UGT2A1: variants seen among roughly 807,000 people sequenced by gnomAD.
UGT2A1 encodes the protein UDP glucuronosyltransferase family 2 member A1 complex locus.
A neutral mutation model predicts 45.4 loss-of-function variants in UGT2A1; 61 were observed. The ratio of observed to expected loss-of-function variants is 1.34; its 90% CI spans 1.09 to 1.66. UGT2A1 has a LOEUF of 1.66. Ranked by LOEUF, UGT2A1 falls within the 40% of genes most tolerant of loss-of-function variation. The probability of loss-of-function intolerance (pLI) is 0.00; values close to 1 mark genes in which losing one functional copy is unlikely to be tolerated. For synonymous variants in UGT2A1, 229 were observed against 196.2 expected, an observed-to-expected ratio of 1.17 and a Z score of -1.40; for missense variants, 649 against 574.3, an observed-to-expected ratio of 1.13 and a Z score of -1.33.
Position 69,647,177 on chromosome 4 carries a change from G to T in UGT2A1, c.468C>A (p.Gly156=), listed in dbSNP as rs776766269. The T allele has an allele frequency of 1.2e-6, 2 of 1,612,894 alleles. No homozygotes were observed. Among genetic ancestry groups the T allele is most frequent in the East Asian group, 2.2e-5 (1 of 44,828 alleles). ...VLVSDPVFPC[G]DIVALKLGIP... ...TTCCAAGTTTTAAAGCTACTATATC[G>T]CCACAAGGAAATACTGGATCAGACA... is the stretch of plus-strand genomic sequence containing the variant. Residue 156 remains glycine, a synonymous_variant, in exon 2 of 7, where the codon GGC becomes GGA. Coordinates refer to ENST00000286604, the MANE Select transcript of UGT2A1 (RefSeq NM_001252275.3).
rs752278105 is a variant in UGT2A1 at position 69,639,605 on chromosome 4, C to T, written c.716-3783G>A. 8.7e-6 allele frequency: 14 copies of T among 1,603,656 alleles called. No homozygotes were observed. In the East Asian group the frequency reaches 2.5e-4, roughly 28 times the overall value. On this transcript the variant is annotated intron_variant, in intron 2 of 6. Coordinates refer to ENST00000286604, the MANE Select transcript of UGT2A1 (RefSeq NM_001252275.3). ...AATTAAAAACCAGCATCTGGACAAA[C>T]TTCTTAGGCATGGTAAAATCCCTTA...
chr4:69,637,731 C>A (rs1249388568), intron 2 of UGT2A1, among the ~76,000 whole-genome samples: 1 of 152,086 alleles, frequency 6.6e-6, no homozygotes, highest in East Asian at 1.9e-4. Flanking sequence ...TGTCTCCTCT[C>A]ATGAGAATGT....
intron 6 of UGT2A1, among the ~76,000 whole-genome samples, chr4:69,591,005 G>T (rs1718567218): frequency 6.6e-6 from 1 of 152,258 alleles, no homozygotes; most frequent in Non-Finnish European, 1.5e-5. Flanking sequence ...TATACCTTGT[G>T]TTCCCAGAGG....
In UGT2A1 at chr4:69,605,873, G is replaced by T. The variant is rs1184455743; in HGVS notation, c.848-6479C>A. On this transcript the variant is annotated intron_variant, in intron 3 of 6. Coordinates refer to ENST00000286604, the MANE Select transcript of UGT2A1 (RefSeq NM_001252275.3). ...GTACACCCTCCCAAGACTAAATCAG[G>T]AAGACATTGAATCTCTGAATAGACC... is the stretch of plus-strand genomic sequence containing the variant. Among the ~76,000 whole-genome samples, 12 of 136,618 alleles carry T rather than the reference G, an allele frequency of 8.8e-5. 1 individual carries two copies. The highest frequency in any genetic ancestry group is 1.9e-4 in the Non-Finnish European group (12 of 64,372). The allele number at this position is 136,618 out of a possible 152,430, so 89.6% of individuals were successfully genotyped here.
chr4:69,610,589 G>A (rs556716264), intron 3 of UGT2A1, among the ~76,000 whole-genome samples: 2 of 152,166 alleles, frequency 1.3e-5, no homozygotes, highest in Admixed American at 6.5e-5. Context: ...TGTATATGAA[G>A]CCTGACTGTA....
At chr4:69,606,355 C>CT (rs1719611264) in intron 3 of UGT2A1, among the ~76,000 whole-genome samples, 1 of 135,970 alleles carries the variant, frequency 7.4e-6, no homozygotes, top group African/African-American at 3.0e-5. Context: ...CAGAAAAGGC[C>CT]TTGAAAAAAT....
Position 69,639,103 on chromosome 4 carries a change from A to G in UGT2A1, c.716-3281T>C, listed in dbSNP as rs765280499. 18 of 1,613,442 alleles carry G rather than the reference A, an allele frequency of 1.1e-5. 1 individual carries two copies. The Admixed American group carries it at 1.5e-4, about 13-fold the overall frequency. On this transcript the variant is annotated intron_variant, in intron 2 of 6. Coordinates refer to ENST00000286604, the MANE Select transcript of UGT2A1 (RefSeq NM_001252275.3). ...ACTGTTGATGCTGGAGAGAACCTCA[A>G]TGTGTACATAAATGGAATTCCTAAT...
At chr4:69,591,352 T>A (rs1718587962) in intron 6 of UGT2A1, among the ~76,000 whole-genome samples, 1 of 152,072 alleles carries the variant, frequency 6.6e-6, no homozygotes, top group African/African-American at 2.4e-5. Flanking sequence ...CAACTTGAAG[T>A]GGGGGTGCAT....
intron 1 of UGT2A1, among the ~76,000 whole-genome samples, chr4:69,649,788 A>G (rs1722437500): frequency 6.6e-6 from 1 of 152,056 alleles, no homozygotes; most frequent in African/African-American, 2.4e-5. Context: ...CTTGCCTACA[A>G]CATGCCTGGA....
rs560263017 is a variant in UGT2A1 at position 69,608,168 on chromosome 4, C to G, written c.848-8774G>C. Among the ~76,000 whole-genome samples the G allele has an allele frequency of 1.8e-4, 27 of 152,178 alleles. No individual in the cohort carries two copies. The South Asian group carries it at 5.0e-3, about 28-fold the overall frequency. ...CACAATAGCAAAGACTTGGAACCAA[C>G]CCAAATGTCCAACAATGATAGACTG... is the stretch of plus-strand genomic sequence containing the variant. On this transcript the variant is annotated intron_variant, in intron 3 of 6. Coordinates refer to ENST00000286604, the MANE Select transcript of UGT2A1 (RefSeq NM_001252275.3).
At chr4:69,612,775 C>A (rs1720139485) in intron 3 of UGT2A1, among the ~76,000 whole-genome samples, 2 of 151,768 alleles carry the variant, frequency 1.3e-5, no homozygotes, top group Admixed American at 1.3e-4. Flanking sequence ...GTATAAAAAT[C>A]TTTGAAGAAA....
intron 6 of UGT2A1, 32 bp downstream of exon 6, chr4:69,594,445 T>C: frequency 6.2e-7 from 1 of 1,605,176 alleles, no homozygotes; most frequent in East Asian, 2.2e-5. Context: ...GTAATTAAAG[T>C]TAGGCAAGTT....
Position 69,635,828 on chromosome 4 carries a change from C to CAAAAAAAACAAAAAAAAAAAAAAAAA in UGT2A1, c.716-7_716-6insTTTTTTTTTTTTTTTTTGTTTTTTTT, listed in dbSNP as rs1721659067. On this transcript the variant is annotated splice_region_variant and splice_polypyrimidine_tract_variant and intron_variant, in intron 2 of 6. Transcript: ENST00000286604. ...GCAACAGAGTAAGAGTCCACCTCACCAAAAAAAAAAAAAAAAAAAAAAGAG... is the reference window on the plus strand; with the variant it reads ...GCAACAGAGTAAGAGTCCACCTCACCAAAAAAAACAAAAAAAAAAAAAAAAAAAAAAAAAAAAAAAAAAAAAAAGAG... The CAAAAAAAACAAAAAAAAAAAAAAAAA allele has an allele frequency of 2.0e-5, 1 of 49,134 alleles. No homozygotes were observed. The highest frequency in any genetic ancestry group is 6.6e-5 in the African/African-American group (1 of 15,138). 3.0% of individuals were successfully genotyped at this position (49,134 alleles called of 1,614,324 possible).
At chr4:69,647,832 T>C (rs111557890) in intron 1 of UGT2A1, 134 bp from the exon 2 acceptor site, 389 of 451,474 alleles carry the variant, frequency 8.6e-4, no homozygotes, top group African/African-American at 7.5e-3. Flanking sequence ...TACAGATTTA[T>C]GGGTAATGTG....
intron 3 of UGT2A1, among the ~76,000 whole-genome samples, chr4:69,631,876 C>T (rs1010076951): frequency 2.0e-5 from 3 of 151,968 alleles, no homozygotes; most frequent in Non-Finnish European, 4.4e-5. Context: ...ACAAGGCTAC[C>T]ACTTCACACT....
intron 3 of UGT2A1, among the ~76,000 whole-genome samples, chr4:69,618,123 C>A (rs947742733): frequency 6.7e-6 from 1 of 150,256 alleles, no homozygotes; most frequent in Non-Finnish European, 1.5e-5. Context: ...ATTTAGTATC[C>A]GTGTACGTAA....
intron 3 of UGT2A1, among the ~76,000 whole-genome samples, chr4:69,619,352 T>A (rs891601031): frequency 6.6e-6 from 1 of 151,832 alleles, no homozygotes; most frequent in Non-Finnish European, 1.5e-5. Context: ...TGAGCCAACA[T>A]CAGTGGCACT....
intron 3 of UGT2A1, among the ~76,000 whole-genome samples, chr4:69,609,550 T>A (rs903061570): frequency 3.9e-5 from 6 of 152,120 alleles, no homozygotes; most frequent in Non-Finnish European, 5.9e-5. Flanking sequence ...CAACTGTTAA[T>A]AAAAGTCAGT....
chr4:69,597,875 A>G (rs1719033095), intron 4 of UGT2A1, among the ~76,000 whole-genome samples: 1 of 152,152 alleles, frequency 6.6e-6, no homozygotes, highest in Non-Finnish European at 1.5e-5. Flanking sequence ...CATGGTTGGT[A>G]TTCATATTTC....
Sources: gnomAD v4.1 joint callset for allele counts (sites outside exome capture counted in the v4.1 genomes callset) on GRCh38, gnomAD v4.1.1 for gene constraint, MANE v1.5 for transcripts, NCBI Gene and HGNC (gene_info 2026-07-23, HGNC 2026-07-21) for gene names.